The following FAM227A variants were observed in gnomAD, a reference collection of about 807,000 sequenced individuals.
The protein encoded by FAM227A is family with sequence similarity 227 member A.
FAM227A carries 80 observed loss-of-function variants against 74.7 expected under a neutral mutation model. That is an observed-to-expected ratio of 1.07 (90% CI 0.89 to 1.29). The LOEUF is 1.29. FAM227A is among the 50% of genes most tolerant of loss of function. The probability of loss-of-function intolerance (pLI) is 0.00; values close to 1 mark genes in which losing one functional copy is unlikely to be tolerated. For missense variants in FAM227A, 654 were observed against 683.4 expected, an observed-to-expected ratio of 0.96 and a Z score of 0.48; for synonymous variants, 237 against 241.8, an observed-to-expected ratio of 0.98 and a Z score of 0.19.
In FAM227A at chr22:38,582,358, G is replaced by A; in HGVS notation, c.*3767C>T. 6.5e-7 allele frequency: 1 copy of A among 1,550,358 alleles called. No individual in the cohort carries two copies. Among genetic ancestry groups the A allele is most frequent in the Non-Finnish European group, 8.7e-7 (1 of 1,146,826 alleles). Reference sequence around the variant, plus strand: ...CTTCATCTCTTCTAGTTTAACATCTGAATTTATCTTCTTCCATGCTGAGAG... The same window carrying A: ...CTTCATCTCTTCTAGTTTAACATCTAAATTTATCTTCTTCCATGCTGAGAG... On this transcript the variant is annotated 3_prime_UTR_variant, in exon 17 of 17. Transcript: ENST00000535113.
intron 13 of FAM227A, among the ~76,000 whole-genome samples, chr22:38,602,121 T>C (rs2146223713): frequency 6.6e-6 from 1 of 152,348 alleles, no homozygotes; most frequent in East Asian, 1.9e-4. Context: ...TATTTTCTAA[T>C]CCTGTTCTAA....
intron 2 of FAM227A, among the ~76,000 whole-genome samples, chr22:38,646,614 CT>C (rs1250827772): frequency 1.3e-5 from 2 of 151,686 alleles, no homozygotes; most frequent in Non-Finnish European, 2.9e-5. Flanking sequence ...GAGTGTACGC[CT>C]GTTTTACTAC....
chr22:38,644,959 C>T lies in FAM227A; in HGVS notation c.225+604G>A, dbSNP rs552466660. Among the ~76,000 whole-genome samples, 86 of 152,112 alleles carry T rather than the reference C, an allele frequency of 5.7e-4. 1 individual carries two copies. In the South Asian group the frequency reaches 0.017, roughly 31 times the overall value. On this transcript the variant is annotated intron_variant, in intron 3 of 16. Transcript: ENST00000535113. ...AAAAAATTAGCCGGGTATGGTGGCA[C>T]ACGGCTGTAGTCCCAGCTACTCGGG...
intron 12 of FAM227A, among the ~76,000 whole-genome samples, chr22:38,605,698 T>C (rs1442482927): frequency 6.6e-6 from 1 of 152,210 alleles, no homozygotes; most frequent in Non-Finnish European, 1.5e-5. Flanking sequence ...TGGCAACTCC[T>C]CTTTGATACA....
chr22:38,643,763 A>G (rs1338248603), intron 3 of FAM227A, among the ~76,000 whole-genome samples: 6 of 152,226 alleles, frequency 3.9e-5, no homozygotes, highest in African/African-American at 7.2e-5. Context: ...GTCCCTGAGT[A>G]GTGGACAAAT....
intron 6 of FAM227A, among the ~76,000 whole-genome samples, chr22:38,631,282 AG>A (rs2091910927): frequency 1.9e-5 from 1 of 52,350 alleles, no homozygotes; most frequent in Non-Finnish European, 5.2e-5. Flanking sequence ...GATCTAACTC[AG>A]AAACAGAAAA....
chr22:38,653,242 C>T (rs988409408), intron 1 of FAM227A, among the ~76,000 whole-genome samples: 1 of 152,158 alleles, frequency 6.6e-6, no homozygotes, highest in Non-Finnish European at 1.5e-5. Context: ...CTCAGCACTC[C>T]CAGATAGACT....
At chr22:38,602,845 C>A (rs2091205226) in intron 13 of FAM227A, among the ~76,000 whole-genome samples, 1 of 152,070 alleles carries the variant, frequency 6.6e-6, no homozygotes, top group African/African-American at 2.4e-5. Flanking sequence ...GCCTCTACTG[C>A]ATTTGGGCTT....
chr22:38,600,552 G>GGTCT (rs1350182651), intron 13 of FAM227A, among the ~76,000 whole-genome samples: 3 of 151,768 alleles, frequency 2.0e-5, no homozygotes, highest in Admixed American at 2.0e-4. Flanking sequence ...TGGCCAGGCT[G>GGTCT]GTCTCAAACT....
intron 11 of FAM227A, among the ~76,000 whole-genome samples, chr22:38,616,382 T>G (rs1202274104): frequency 6.6e-6 from 1 of 152,038 alleles, no homozygotes; most frequent in Admixed American, 6.6e-5. Flanking sequence ...CAAGAAGTTC[T>G]GGGCTGGATG....
In FAM227A at chr22:38,613,282, T is replaced by TATATAATATATAAC. The variant is rs1569207380; in HGVS notation, c.1039-5807_1039-5806insGTTATATATTATAT. Among the ~76,000 whole-genome samples, 484 of 80,862 alleles carry TATATAATATATAAC rather than the reference T, an allele frequency of 6.0e-3. 4 individuals carry two copies. Among genetic ancestry groups the TATATAATATATAAC allele is most frequent in the African/African-American group, 9.1e-3 (155 of 17,104 alleles). 53.0% of individuals were successfully genotyped at this position (80,862 alleles called of 152,430 possible). On this transcript the variant is annotated intron_variant, in intron 11 of 16. Transcript: ENST00000535113. ...ATATTATAACATATATTATATATCATATATAATATATATCATATATAATAT... is the reference window on the plus strand; with the variant it reads ...ATATTATAACATATATTATATATCATATATAATATATAACATATAATATATATCATATATAATAT...
At chr22:38,638,875 G>T in intron 4 of FAM227A, 53 bp from the exon 5 acceptor site, 2 of 1,149,836 alleles carry the variant, frequency 1.7e-6, no homozygotes, top group Non-Finnish European at 2.4e-6. Flanking sequence ...TCTGTCCACA[G>T]CTGTGCGGTG....
At chr22:38,600,629 T>C (rs1018218865) in intron 13 of FAM227A, among the ~76,000 whole-genome samples, 2 of 151,992 alleles carry the variant, frequency 1.3e-5, no homozygotes, top group Non-Finnish European at 2.9e-5. Context: ...TGAGCCATCA[T>C]GCCCAGCCGA....
At position 38,636,566 on chromosome 22, in the gene FAM227A, A is replaced by G. The variant is rs534737817; in HGVS notation, c.404T>C (p.Leu135Pro). 1.3e-6 allele frequency: 2 copies of G among 1,551,188 alleles called. No individual in the cohort carries two copies. Among genetic ancestry groups the G allele is most frequent in the South Asian group, 2.4e-5 (2 of 83,922 alleles). ...GCTGTTGAAGTTGGAATACTGGTAC[A>G]GCTCTGCCAGCAGATTTTTATCTGC... Reference protein sequence around the residue: ...KTADKNLLAELYQYSNFNSSK... With the variant: ...KTADKNLLAEPYQYSNFNSSK... The change falls in exon 6 of 17, where the codon CTG (leucine) becomes CCG (proline). Residue 135 changes from leucine (L) to proline (P), a missense_variant. By Grantham distance (98) the Leu-to-Pro change is moderately conservative. Coordinates refer to ENST00000535113, the MANE Select transcript of FAM227A (RefSeq NM_001013647.2).
In FAM227A at chr22:38,629,065, C is replaced by T. The variant is rs188962528; in HGVS notation, c.520-130G>A. ...GTGAGGCCCTACCCAGGTAATTTTACATACTCTCATTTAACCCCTATAATA... is the reference window on the plus strand; with the variant it reads ...GTGAGGCCCTACCCAGGTAATTTTATATACTCTCATTTAACCCCTATAATA... On this transcript the variant is annotated intron_variant, in intron 6 of 16. Coordinates refer to ENST00000535113, the MANE Select transcript of FAM227A (RefSeq NM_001013647.2). 3.8e-5 allele frequency: 23 copies of T among 609,372 alleles called. No individual in the cohort carries two copies. The East Asian group carries it at 5.4e-4, about 14-fold the overall frequency. 37.7% of individuals were successfully genotyped at this position (609,372 alleles called of 1,614,324 possible). A position where few individuals can be genotyped will look rare whatever the true frequency, so the allele number is the denominator to read the frequency against.
intron 3 of FAM227A, among the ~76,000 whole-genome samples, chr22:38,644,520 G>A (rs8139415): frequency 0.035 from 5,105 of 145,506 alleles, 378 homozygotes; most frequent in African/African-American, 0.091. Flanking sequence ...GAGGACTGTT[G>A]GGACAGCGAA....
chr22:38,613,103 A>ATGTAAATAT (rs1569206658), intron 11 of FAM227A, among the ~76,000 whole-genome samples: 1 of 92,978 alleles, frequency 1.1e-5, no homozygotes, highest in African/African-American at 4.9e-5. Context: ...TATTATATAT[A>ATGTAAATAT]ATTATATATA....
intron 11 of FAM227A, among the ~76,000 whole-genome samples, chr22:38,612,623 AG>A (rs2091438198): frequency 6.6e-6 from 1 of 152,158 alleles, no homozygotes; most frequent in Non-Finnish European, 1.5e-5. Context: ...CATTTCACCT[AG>A]GCTCTACCTG....
At position 38,607,482 on chromosome 22, in the gene FAM227A, G is replaced by C; in HGVS notation, c.1039-6C>G. ...GGTGAATTTGCACTAGAAGACTTCA[G>C]GAGACAAGAGAGAGAAAGAGAGGGA... On this transcript the variant is annotated splice_region_variant and splice_polypyrimidine_tract_variant and intron_variant, in intron 11 of 16. Transcript: ENST00000535113. 6.5e-7 allele frequency: 1 copy of C among 1,536,132 alleles called. No individual in the cohort carries two copies. The highest frequency in any genetic ancestry group is 8.8e-7 in the Non-Finnish European group (1 of 1,133,070).
Sources: allele counts gnomAD v4.1 joint callset (sites outside exome capture counted in the v4.1 genomes callset), GRCh38; gene constraint gnomAD v4.1.1; transcripts MANE v1.5; gene names NCBI Gene and HGNC (gene_info 2026-07-23, HGNC 2026-07-21).